The following MTHFD1 variants were observed in gnomAD, a reference collection of about 807,000 sequenced individuals.
The protein encoded by MTHFD1 is C-1-tetrahydrofolate synthase, cytoplasmic.
MTHFD1 carries 44 observed loss-of-function variants against 110.3 expected under a neutral mutation model. The observed-to-expected ratio is 0.40, with a 90% CI of 0.31 to 0.51. The LOEUF (loss-of-function observed/expected upper bound fraction) is 0.51, where lower values mean the gene tolerates loss of function less well. Ranked by LOEUF, MTHFD1 falls within the 20% of genes least tolerant of loss-of-function variation. The probability of loss-of-function intolerance (pLI) is 0.60; values close to 1 mark genes in which losing one functional copy is unlikely to be tolerated. For synonymous variants in MTHFD1, 402 were observed against 428.8 expected (o/e 0.94, Z 0.77); for missense variants, 909 against 1,173.1 (o/e 0.77, Z 3.29).
intron 2 of MTHFD1, among the ~76,000 whole-genome samples, chr14:64,407,457 T>G (rs1190569275): frequency 6.7e-6 from 1 of 149,498 alleles, no homozygotes; most frequent in East Asian, 1.9e-4. Context: ...AGAGCAAGAC[T>G]TTGTCTCAAA....
Position 64,459,901 on chromosome 14 carries a change from A to G in MTHFD1, c.*147A>G. The G allele has an allele frequency of 6.5e-7, 1 of 1,536,078 alleles. No individual in the cohort carries two copies. Among genetic ancestry groups the G allele is most frequent in the South Asian group, 1.2e-5 (1 of 84,056 alleles). On this transcript the variant is annotated 3_prime_UTR_variant, in exon 28 of 28. Transcript: ENST00000652337. Reference sequence around the variant, plus strand: ...AAACTAATAGTAGGAGTTTCCCCAGAAGTCATTTTCAGCCTTAATTCTCAT... The same window carrying G: ...AAACTAATAGTAGGAGTTTCCCCAGGAGTCATTTTCAGCCTTAATTCTCAT...
rs779801406 is a variant in MTHFD1, at chr14:64,419,912, C to G, written c.714C>G (p.Ile238Met). ...KPGAIVIDCG[I>M]NYVPDDKKPN... Reference sequence around the variant, plus strand: ...GGGCAATAGTCATCGACTGTGGAATCAATTATGTCCCAGGTGAGTGTTGTT... The same window carrying G: ...GGGCAATAGTCATCGACTGTGGAATGAATTATGTCCCAGGTGAGTGTTGTT... The change falls in exon 8 of 28, where the codon ATC becomes ATG. Residue 238 changes from isoleucine (I) to methionine (M), a missense_variant. Ile to Met is a conservative substitution (Grantham distance 10). This residue lies in a region of MTHFD1 where 424 missense variants were observed against 510.4 expected (regional missense o/e 0.83). Transcript: ENST00000652337. 22 of 1,612,254 alleles carry G rather than the reference C, an allele frequency of 1.4e-5. No homozygotes were observed. Among genetic ancestry groups the G allele is most frequent in the Non-Finnish European group, 1.9e-5 (22 of 1,178,350 alleles).
intron 1 of MTHFD1, among the ~76,000 whole-genome samples, chr14:64,393,527 C>T (rs1388100224): frequency 1.3e-5 from 2 of 152,152 alleles, no homozygotes; most frequent in African/African-American, 2.4e-5. Flanking sequence ...CAGGAGAGGT[C>T]GGAGTTCCAG....
At chr14:64,454,996 C>A (rs151091838) in intron 26 of MTHFD1, 121 bp downstream of exon 26, 8 of 1,025,508 alleles carry the variant, frequency 7.8e-6, no homozygotes, top group African/African-American at 1.6e-5. Flanking sequence ...AAATTGGAAT[C>A]GGGCCTATTA....
chr14:64,402,091 A>G (rs1320732603), intron 2 of MTHFD1, among the ~76,000 whole-genome samples: 1 of 152,220 alleles, frequency 6.6e-6, no homozygotes, highest in Non-Finnish European at 1.5e-5. Context: ...ATTTTAAAAG[A>G]TTAGTTGCAA....
At chr14:64,409,699 C>T (rs2077966900) in intron 2 of MTHFD1, among the ~76,000 whole-genome samples, 1 of 151,758 alleles carries the variant, frequency 6.6e-6, no homozygotes, top group South Asian at 2.1e-4. Flanking sequence ...TACAAATAAC[C>T]CATTAAAAAA....
chr14:64,458,588 T>C, intron 27 of MTHFD1: 3 of 463,622 alleles, frequency 6.5e-6, no homozygotes, highest in East Asian at 8.9e-5. Context: ...CAGAGGAAAC[T>C]ACAGGAGAGG....
intron 4 of MTHFD1, among the ~76,000 whole-genome samples, chr14:64,413,573 A>T (rs2078002520): frequency 6.6e-6 from 1 of 152,200 alleles, no homozygotes; most frequent in Non-Finnish European, 1.5e-5. Context: ...GCTGTCCAGT[A>T]TGGGAGCCAC....
rs11158541 is a variant in MTHFD1 at position 64,429,261 on chromosome 14, A to AAC, written c.1265-922_1265-921insCA. On this transcript the variant is annotated intron_variant, in intron 12 of 27. Coordinates refer to ENST00000652337, the MANE Select transcript of MTHFD1 (RefSeq NM_005956.4). ...GACAGTATGAGACTCTGTCTAAAAA[A>AAC]ATATATATCTGATTTACATTTATTG... Among the ~76,000 whole-genome samples the AAC allele has an allele frequency of 2.3e-3, 251 of 107,426 alleles. 6 individuals are homozygous for AAC. Among genetic ancestry groups the AAC allele is most frequent in the East Asian group, 7.9e-3 (26 of 3,308 alleles). The allele number at this position is 107,426 out of a possible 152,430, so 70.5% of individuals were successfully genotyped here. A position where few individuals can be genotyped will look rare whatever the true frequency, so the allele number is the denominator to read the frequency against.
rs1566553212 is a variant in MTHFD1, at chr14:64,397,181, A to ATG, written c.42-3611_42-3610insGT. ...TATATATATATATATATATATATAT[A>ATG]TATATATATAAAAAACAGTAATCTA... On this transcript the variant is annotated intron_variant, in intron 1 of 27. Transcript: ENST00000652337. Among the ~76,000 whole-genome samples, 38 of 15,988 alleles carry ATG rather than the reference A, an allele frequency of 2.4e-3. 2 individuals are homozygous for ATG. The highest frequency in any genetic ancestry group is 4.0e-3 in the Non-Finnish European group (35 of 8,732). The allele number at this position is 15,988 out of a possible 152,430, so 10.5% of individuals were successfully genotyped here. A position where few individuals can be genotyped will look rare whatever the true frequency, so the allele number is the denominator to read the frequency against.
chr14:64,444,565 AAAT>A, intron 21 of MTHFD1, 125 bp from the exon 22 acceptor site: 3 of 1,059,224 alleles, frequency 2.8e-6, no homozygotes, highest in Non-Finnish European at 4.3e-6. Flanking sequence ...TTAGGGCAGG[AAAT>A]AATCTTATAC....
At chr14:64,449,352 TG>T in intron 23 of MTHFD1, 92 bp from the exon 24 acceptor site, 1 of 1,413,218 alleles carries the variant, frequency 7.1e-7, no homozygotes, top group Non-Finnish European at 9.9e-7. Flanking sequence ...CGTTTATCAG[TG>T]GGTAATTCAC....
intron 1 of MTHFD1, among the ~76,000 whole-genome samples, chr14:64,398,264 A>G (rs7144437): frequency 0.93 from 142,343 of 152,310 alleles, 66,803 homozygotes; most frequent in Middle Eastern, 0.99. Context: ...TAAAATTTGA[A>G]CTGGGTGCAG....
chr14:64,395,308 A>C (rs1209192299), intron 1 of MTHFD1, among the ~76,000 whole-genome samples: 1 of 152,238 alleles, frequency 6.6e-6, no homozygotes, highest in African/African-American at 2.4e-5. Context: ...AGTTACACAT[A>C]AAAATCTGGA....
chr14:64,435,755 C>T, intron 16 of MTHFD1, 84 bp downstream of exon 16: 1 of 844,544 alleles, frequency 1.2e-6, no homozygotes, highest in Non-Finnish European at 2.1e-6. Flanking sequence ...AAATGTGAGG[C>T]TCAGAAGCTT....
chr14:64,428,811 C>G (rs1359770270), intron 12 of MTHFD1, among the ~76,000 whole-genome samples: 4 of 151,770 alleles, frequency 2.6e-5, no homozygotes, highest in African/African-American at 4.8e-5. Flanking sequence ...CTTGGCCTCC[C>G]AATGTGCTGG....
chr14:64,449,201 A>G lies in MTHFD1; in HGVS notation c.2280-244A>G, dbSNP rs778847483. 2.6e-4 allele frequency: 146 copies of G among 562,882 alleles called. 1 individual carries two copies. The highest frequency in any genetic ancestry group is 6.7e-5 in the Non-Finnish European group (21 of 312,528). 34.9% of individuals were successfully genotyped at this position (562,882 alleles called of 1,614,324 possible). A position where few individuals can be genotyped will look rare whatever the true frequency, so the allele number is the denominator to read the frequency against. On this transcript the variant is annotated intron_variant, in intron 23 of 27. Coordinates refer to ENST00000652337, the MANE Select transcript of MTHFD1 (RefSeq NM_005956.4). ...ACCATCTGAGTCTCATAACGTCCCA[A>G]TGAAATAAGTGCTGTGATTATTCGC...
intron 21 of MTHFD1, among the ~76,000 whole-genome samples, chr14:64,443,443 T>C (rs1299479464): frequency 3.9e-5 from 6 of 152,196 alleles, no homozygotes; most frequent in Non-Finnish European, 7.4e-5. Flanking sequence ...ACATCACATG[T>C]CTCATAACCT....
At position 64,411,168 on chromosome 14, in the gene MTHFD1, T is replaced by C; in HGVS notation, c.186+19T>C. On this transcript the variant is annotated intron_variant, in intron 3 of 27. Coordinates refer to ENST00000652337, the MANE Select transcript of MTHFD1 (RefSeq NM_005956.4). ...TGAAGAGGTAACGCCAGAAGAGCTG[T>C]GCCATCACCCTCCCCAACCTCCACC... 6.2e-7 allele frequency: 1 copy of C among 1,604,758 alleles called. No homozygotes were observed. Among genetic ancestry groups the C allele is most frequent in the Non-Finnish European group, 8.5e-7 (1 of 1,173,198 alleles).
Sources: allele counts gnomAD v4.1 joint callset (sites outside exome capture counted in the v4.1 genomes callset), GRCh38; gene constraint gnomAD v4.1.1; regional missense constraint gnomAD v4.1.1; transcripts MANE v1.5; gene names NCBI Gene and HGNC (gene_info 2026-07-23, HGNC 2026-07-21).